Variants in ADK observed in about 807,000 individuals in gnomAD.
ADK encodes N6,N6-dimethyladenosine kinase.
In ADK, 24 loss-of-function variants were observed where a neutral mutation model predicts 44.7. The observed-to-expected ratio is 0.54, with a 90% confidence interval of 0.39 to 0.76. ADK has a LOEUF of 0.76. Ranked by LOEUF, ADK falls within the 30% of genes least tolerant of loss-of-function variation. ADK has a pLI of 0.00. For synonymous variants in ADK, 128 were observed against 142.6 expected (o/e 0.90, Z 0.73); for missense variants, 321 against 425.1 (o/e 0.76, Z 2.15).
At chr10:74,233,940 A>G (rs1844871024) in intron 3 of ADK, among the ~76,000 whole-genome samples, 1 of 152,242 alleles carries the variant, frequency 6.6e-6, no homozygotes, top group Non-Finnish European at 1.5e-5. Context: ...CCTTAACTGC[A>G]ATTTACTTGA....
chr10:74,240,759 G>T (rs958720785), intron 3 of ADK, among the ~76,000 whole-genome samples: 4 of 152,030 alleles, frequency 2.6e-5, no homozygotes, highest in African/African-American at 9.7e-5. Context: ...TATACTTGTG[G>T]TCTTATAAAG....
At chr10:74,457,717 G>A (rs969316401) in intron 6 of ADK, among the ~76,000 whole-genome samples, 4 of 152,288 alleles carry the variant, frequency 2.6e-5, no homozygotes, top group African/African-American at 9.6e-5. Context: ...GTCCTTTGCA[G>A]GGACATGGAT....
At chr10:74,579,023 C>G (rs570592490) in intron 7 of ADK, among the ~76,000 whole-genome samples, 3 of 152,052 alleles carry the variant, frequency 2.0e-5, no homozygotes, top group African/African-American at 2.4e-5. Context: ...CACCTGAGAT[C>G]AGGAGTTCAA....
At chr10:74,352,230 T>A (rs1159574512) in intron 4 of ADK, among the ~76,000 whole-genome samples, 3 of 152,074 alleles carry the variant, frequency 2.0e-5, no homozygotes, top group Non-Finnish European at 4.4e-5. Context: ...AACAGATATA[T>A]AGACCAATGA....
At chr10:74,695,248 G>T (rs1856133433) in intron 10 of ADK, among the ~76,000 whole-genome samples, 1 of 151,986 alleles carries the variant, frequency 6.6e-6, no homozygotes, top group African/African-American at 2.4e-5. Flanking sequence ...ATAAATTTTA[G>T]AATCAACTTA....
chr10:74,176,715 G>A (rs1842351785), intron 1 of ADK: 1 of 1,476,938 alleles, frequency 6.8e-7, no homozygotes. Context: ...ACGCCGGGCC[G>A]GCTAGCCAGG....
At position 74,272,079 on chromosome 10, in the gene ADK, T is replaced by C. The variant is rs189202433; in HGVS notation, c.195-42588T>C. On this transcript the variant is annotated intron_variant, in intron 3 of 10. Coordinates refer to ENST00000539909, the MANE Select transcript of ADK (RefSeq NM_006721.4). Reference sequence around the variant, plus strand: ...TCTTTAATGTGACTGAGTCAAAATATGTGTAGTTATTTGCATAAAAGGGAA... The same window carrying C: ...TCTTTAATGTGACTGAGTCAAAATACGTGTAGTTATTTGCATAAAAGGGAA... Among the ~76,000 whole-genome samples the C allele has an allele frequency of 1.7e-4, 26 of 152,296 alleles. No homozygotes were observed. The East Asian group carries it at 4.8e-3, about 28-fold the overall frequency.
intron 4 of ADK, among the ~76,000 whole-genome samples, chr10:74,315,585 C>T (rs1840590470): frequency 6.7e-6 from 1 of 149,130 alleles, no homozygotes; most frequent in Non-Finnish European, 1.5e-5. Flanking sequence ...CAAAATTCTG[C>T]TCATTGCAAT....
intron 7 of ADK, among the ~76,000 whole-genome samples, chr10:74,579,486 A>G (rs539472135): frequency 6.6e-6 from 1 of 152,322 alleles, no homozygotes; most frequent in South Asian, 2.1e-4. Flanking sequence ...CAGACAAGGT[A>G]TATAACATAA....
At chr10:74,185,842 GAAAA>G (rs71021593) in intron 1 of ADK, among the ~76,000 whole-genome samples, 3 of 65,822 alleles carry the variant, frequency 4.6e-5, no homozygotes, top group Non-Finnish European at 8.9e-5. Flanking sequence ...GTCTCAAAAA[GAAAA>G]AAAAAAAAAA....
chr10:74,207,879 A>G (rs1843659537), intron 2 of ADK, among the ~76,000 whole-genome samples: 2 of 152,060 alleles, frequency 1.3e-5, no homozygotes, highest in South Asian at 4.1e-4. Flanking sequence ...TGCTGCCATC[A>G]ATCATGTTGT....
At chr10:74,364,341 C>G (rs1429291557) in intron 4 of ADK, among the ~76,000 whole-genome samples, 1 of 152,204 alleles carries the variant, frequency 6.6e-6, no homozygotes, top group East Asian at 1.9e-4. Flanking sequence ...CTCATTTCAG[C>G]TGAATTTCTT....
chr10:74,313,205 A>G (rs1163876461), intron 3 of ADK, among the ~76,000 whole-genome samples: 2 of 152,070 alleles, frequency 1.3e-5, no homozygotes, highest in Non-Finnish European at 2.9e-5. Context: ...TTCTCCATGA[A>G]AGGGAGAATT....
chr10:74,486,133 T>C (rs920965974), intron 6 of ADK, among the ~76,000 whole-genome samples: 5 of 152,102 alleles, frequency 3.3e-5, no homozygotes, highest in African/African-American at 1.2e-4. Flanking sequence ...ATGGGGGCGG[T>C]ATCCTTCAGG....
chr10:74,415,170 A>G (rs1844325457), intron 6 of ADK, among the ~76,000 whole-genome samples: 1 of 152,234 alleles, frequency 6.6e-6, no homozygotes, highest in Non-Finnish European at 1.5e-5. Context: ...TCAGAATGGT[A>G]AGAAAATAAG....
intron 10 of ADK, among the ~76,000 whole-genome samples, chr10:74,695,472 A>ATG (rs66502036): frequency 0.012 from 1,759 of 148,602 alleles, 17 homozygotes; most frequent in East Asian, 0.029. Context: ...GTATATATAT[A>ATG]TGTGTGTGTG....
chr10:74,497,428 A>G (rs1277973108), intron 6 of ADK, among the ~76,000 whole-genome samples: 7 of 152,040 alleles, frequency 4.6e-5, no homozygotes, highest in Non-Finnish European at 1.5e-5. Context: ...AGCTGTCTGG[A>G]ATTCCTCAAT....
At chr10:74,499,379 G>A (rs994889792) in intron 6 of ADK, among the ~76,000 whole-genome samples, 1 of 152,112 alleles carries the variant, frequency 6.6e-6, no homozygotes, top group African/African-American at 2.4e-5. Context: ...TTAGAATCAC[G>A]TGTTTCTTAT....
At chr10:74,621,110 G>A (rs886999354) in intron 9 of ADK, among the ~76,000 whole-genome samples, 14 of 152,014 alleles carry the variant, frequency 9.2e-5, no homozygotes, top group African/African-American at 9.7e-5. Flanking sequence ...TGTTGCCTGT[G>A]CTTATAAAAG....
Sources: gnomAD v4.1 joint callset for allele counts (sites outside exome capture counted in the v4.1 genomes callset) on GRCh38, gnomAD v4.1.1 for gene constraint, MANE v1.5 for transcripts, NCBI Gene and HGNC (gene_info 2026-07-23, HGNC 2026-07-21) for gene names.